The following PTPRG variants were observed in gnomAD, a reference collection of about 807,000 sequenced individuals.
PTPRG encodes the protein protein tyrosine phosphatase receptor type G.
A neutral mutation model predicts 165.3 loss-of-function variants in PTPRG; 102 were observed. The observed-to-expected ratio is 0.62, with a 90% confidence interval of 0.53 to 0.73. PTPRG has a LOEUF of 0.73. PTPRG is among the 30% of genes least tolerant of loss of function. The pLI is 0.00. For missense variants in PTPRG, 1,866 were observed against 1,861.4 expected (o/e 1.00, Z -0.05); for synonymous variants, 675 against 669.5 (o/e 1.01, Z -0.13).
chr3:61,997,795 G>T (rs2041075368), intron 3 of PTPRG, among the ~76,000 whole-genome samples: 1 of 152,158 alleles, frequency 6.6e-6, no homozygotes, highest in Admixed American at 6.5e-5. Context: ...ATGTCTACAG[G>T]GAAATTAGTG....
At chr3:61,999,218 T>C (rs2041111811) in intron 3 of PTPRG, among the ~76,000 whole-genome samples, 1 of 152,126 alleles carries the variant, frequency 6.6e-6, no homozygotes, top group Admixed American at 6.6e-5. Flanking sequence ...GCTAGCCTTT[T>C]GTACTTTTAG....
Position 62,161,533 on chromosome 3 carries a change from C to T in PTPRG, c.840+4309C>T, listed in dbSNP as rs75318778. 2.1e-3 allele frequency among the ~76,000 whole-genome samples: 318 copies of T among 152,212 alleles called. 1 individual carries two copies. The highest frequency in any genetic ancestry group is 7.0e-3 in the African/African-American group (289 of 41,540). ...AACTGGTGAGTCACTTAATTCAGAA[C>T]GTTTCTATTTCAACACATGACGTGC... On this transcript the variant is annotated intron_variant, in intron 7 of 29. Coordinates refer to ENST00000474889, the MANE Select transcript of PTPRG (RefSeq NM_002841.4).
chr3:62,162,328 A>C (rs1199388903), intron 7 of PTPRG, among the ~76,000 whole-genome samples: 1 of 151,228 alleles, frequency 6.6e-6, no homozygotes, highest in South Asian at 2.1e-4. Flanking sequence ...TGCAATTACA[A>C]ATCCCCAAGC....
chr3:62,276,565 C>T (rs747561856), intron 24 of PTPRG: 5 of 171,938 alleles, frequency 2.9e-5, no homozygotes, highest in Non-Finnish European at 4.9e-5. Flanking sequence ...TGAAAAAGGC[C>T]ACTCTTTTCT....
At chr3:61,592,861 G>A (rs985609337) in intron 1 of PTPRG, among the ~76,000 whole-genome samples, 2 of 152,106 alleles carry the variant, frequency 1.3e-5, no homozygotes, top group African/African-American at 4.8e-5. Flanking sequence ...ACCCTTACTG[G>A]ACTCAACTTG....
chr3:62,148,702 C>A (rs921773045), intron 6 of PTPRG, among the ~76,000 whole-genome samples: 2 of 152,132 alleles, frequency 1.3e-5, no homozygotes, highest in African/African-American at 4.8e-5. Context: ...GTGGAGGTGG[C>A]AGTGAGCTGA....
chr3:61,645,275 A>G (rs1357233476), intron 1 of PTPRG, among the ~76,000 whole-genome samples: 1 of 152,220 alleles, frequency 6.6e-6, no homozygotes. Context: ...TGTGATTAAT[A>G]GCTTTGTCCA....
chr3:62,005,931 G>A (rs1027953794), intron 4 of PTPRG, among the ~76,000 whole-genome samples: 3 of 152,002 alleles, frequency 2.0e-5, no homozygotes, highest in Non-Finnish European at 2.9e-5. Flanking sequence ...TTGAATTCCT[G>A]ACTTCAAATG....
In PTPRG at chr3:61,908,224, G is replaced by A. The variant is rs186083987; in HGVS notation, c.191-81401G>A. Among the ~76,000 whole-genome samples, 209 of 150,252 alleles carry A rather than the reference G, an allele frequency of 1.4e-3. 2 individuals carry two copies. Among genetic ancestry groups the A allele is most frequent in the African/African-American group, 5.0e-3 (204 of 40,920 alleles). On this transcript the variant is annotated intron_variant, in intron 2 of 29. Transcript: ENST00000474889. ...GTGGATCACTTGAGGTCAGGAGTTCGAGACCAGCCTGGCCAACACGGTGAA... is the reference window on the plus strand; with the variant it reads ...GTGGATCACTTGAGGTCAGGAGTTCAAGACCAGCCTGGCCAACACGGTGAA...
At chr3:61,898,765 G>A (rs532045737) in intron 2 of PTPRG, among the ~76,000 whole-genome samples, 1 of 152,326 alleles carries the variant, frequency 6.6e-6, no homozygotes, top group East Asian at 1.9e-4. Flanking sequence ...AAATAAAGAA[G>A]AATGAAGAGC....
At chr3:61,812,734 C>T (rs533657719) in intron 2 of PTPRG, among the ~76,000 whole-genome samples, 3 of 152,340 alleles carry the variant, frequency 2.0e-5, no homozygotes, top group South Asian at 4.1e-4. Context: ...GATGTTCACC[C>T]TCAGTCTCCC....
chr3:62,070,871 G>A (rs11711607), intron 4 of PTPRG, among the ~76,000 whole-genome samples: 109,370 of 151,512 alleles, frequency 0.72, 40,100 homozygotes, highest in Non-Finnish European at 0.79. Flanking sequence ...AGAAAAATAC[G>A]TTTCCCAGGT....
intron 4 of PTPRG, among the ~76,000 whole-genome samples, chr3:62,040,611 G>A (rs1342894672): frequency 6.6e-6 from 1 of 152,038 alleles, no homozygotes; most frequent in Admixed American, 6.6e-5. Context: ...GCGCCACCAC[G>A]CCCAGCTAAT....
chr3:62,291,383 C>T (rs1237417227), intron 28 of PTPRG, among the ~76,000 whole-genome samples: 1 of 152,052 alleles, frequency 6.6e-6, no homozygotes, highest in East Asian at 1.9e-4. Flanking sequence ...TTCAAACAAG[C>T]TAAATGTCCA....
chr3:61,807,790 A>G (rs2035460363), intron 2 of PTPRG, among the ~76,000 whole-genome samples: 1 of 152,058 alleles, frequency 6.6e-6, no homozygotes, highest in Non-Finnish European at 1.5e-5. Flanking sequence ...CAAATTGTAT[A>G]TTGAGACTAT....
chr3:62,046,303 T>G (rs1262127652), intron 4 of PTPRG, among the ~76,000 whole-genome samples: 1 of 152,228 alleles, frequency 6.6e-6, no homozygotes, highest in Admixed American at 6.5e-5. Context: ...CATTCATGCT[T>G]TGAAGTTACG....
At chr3:62,012,472 A>AT (rs572169361) in intron 4 of PTPRG, among the ~76,000 whole-genome samples, 5 of 152,124 alleles carry the variant, frequency 3.3e-5, no homozygotes, top group South Asian at 2.1e-4. Flanking sequence ...TAATTTTTAA[A>AT]TTTTTTTTAT....
chr3:62,188,869 A>T (rs1699730899), intron 8 of PTPRG, among the ~76,000 whole-genome samples: 1 of 152,086 alleles, frequency 6.6e-6, no homozygotes, highest in Non-Finnish European at 1.5e-5. Context: ...TGGGATATAG[A>T]AGCTTCCCAA....
chr3:62,205,021 C>G lies in PTPRG; in HGVS notation c.2155+1071C>G, dbSNP rs926162008. 2.6e-5 allele frequency among the ~76,000 whole-genome samples: 4 copies of G among 151,378 alleles called. No individual in the cohort carries two copies. In the Admixed American group the frequency reaches 2.6e-4, roughly 10 times the overall value. On this transcript the variant is annotated intron_variant, in intron 12 of 29. Coordinates refer to ENST00000474889, the MANE Select transcript of PTPRG (RefSeq NM_002841.4). ...TTATAAGAGTGCAAAAAAAAAGCAA[C>G]TGGTAAATATTTATTTGCTTTTGCA...
Sources: gnomAD v4.1 joint callset for allele counts (sites outside exome capture counted in the v4.1 genomes callset) on GRCh38, gnomAD v4.1.1 for gene constraint, MANE v1.5 for transcripts, NCBI Gene and HGNC (gene_info 2026-07-23, HGNC 2026-07-21) for gene names.